The following ANKRD13B variants were observed in gnomAD, a reference collection of about 807,000 sequenced individuals.
ANKRD13B encodes ankyrin repeat domain 13B.
A neutral mutation model predicts 74.4 loss-of-function variants in ANKRD13B; 33 were observed. That is an observed-to-expected ratio of 0.44 (90% CI 0.34 to 0.59). ANKRD13B has a LOEUF of 0.59. Ranked by LOEUF, ANKRD13B falls within the 20% of genes least tolerant of loss-of-function variation. ANKRD13B has a pLI of 0.02. For synonymous variants in ANKRD13B, 341 were observed against 362.9 expected (o/e 0.94, Z 0.68); for missense variants, 676 against 877.9 (o/e 0.77, Z 2.91).
chr17:29,607,828 C>G lies in ANKRD13B; in HGVS notation c.201C>G (p.Leu67=). The G allele has an allele frequency of 6.2e-7, 1 of 1,605,172 alleles. No individual in the cohort carries two copies. Among genetic ancestry groups the G allele is most frequent in the East Asian group, 2.2e-5 (1 of 44,860 alleles). ...GGCACCTTGAGTGTGCCCGTGTGCT[C>G]CTGGCGCACGGCGCAGACGTGGGCA... The part of the protein sequence containing the change: ...TLGHLECARV[L]LAHGADVGRE... Residue 67 remains leucine (L), a synonymous_variant, in exon 2 of 15, where the codon CTC becomes CTG. Coordinates refer to ENST00000394859, the MANE Select transcript of ANKRD13B (RefSeq NM_152345.5).
chr17:29,604,620 C>G (rs1035772901), intron 1 of ANKRD13B, among the ~76,000 whole-genome samples: 14 of 151,696 alleles, frequency 9.2e-5, no homozygotes, highest in African/African-American at 2.9e-4. Flanking sequence ...TGGCTCACTG[C>G]AACCTCCGCC....
intron 1 of ANKRD13B, among the ~76,000 whole-genome samples, chr17:29,594,260 G>C (rs1260386960): frequency 6.6e-6 from 1 of 152,146 alleles, no homozygotes; most frequent in African/African-American, 2.4e-5. Context: ...CCCAGCCCCA[G>C]CTCAGGAACA....
Position 29,611,451 on chromosome 17 carries a change from T to G in ANKRD13B, c.905-128T>G. ...CTTCAGGTGAAGGTGCCTGAGTATG[T>G]GGTTGGGTGAGCAGGCCCCACCCCA... On this transcript the variant is annotated intron_variant, in intron 8 of 14. Transcript: ENST00000394859. The surrounding 1 kb of genome is among the most constrained non-coding windows in gnomAD (Gnocchi z 4.3). 1 of 877,804 alleles carries G rather than the reference T, an allele frequency of 1.1e-6. No homozygotes were observed. Among genetic ancestry groups the G allele is most frequent in the Non-Finnish European group, 1.9e-6 (1 of 540,140 alleles). 54.4% of individuals were successfully genotyped at this position (877,804 alleles called of 1,614,324 possible).
chr17:29,609,050 AC>A lies in ANKRD13B; in HGVS notation c.566-32del, dbSNP rs2034485887. The A allele has an allele frequency of 1.2e-6, 2 of 1,612,330 alleles. No homozygotes were observed. Among genetic ancestry groups the A allele is most frequent in the South Asian group, 2.2e-5 (2 of 91,070 alleles). ...GGACGATGGGAGGCAGCCCCAGGCC[AC>A]CCCTGATCCCCCTGTGCTGTTCCGT... On this transcript the variant is annotated intron_variant, in intron 5 of 14. Transcript: ENST00000394859. This position sits in a 1 kb window ranked among gnomAD's most constrained non-coding sequence, Gnocchi z 4.0.
At position 29,593,800 on chromosome 17, in the gene ANKRD13B, G is replaced by T. The variant is rs530185173; in HGVS notation, c.114+65G>T. 4.0e-6 allele frequency: 4 copies of T among 1,004,276 alleles called. No individual in the cohort carries two copies. In the African/African-American group the frequency reaches 7.0e-5, roughly 17 times the overall value. 62.2% of individuals were successfully genotyped at this position (1,004,276 alleles called of 1,614,324 possible). On this transcript the variant is annotated intron_variant, in intron 1 of 14. Coordinates refer to ENST00000394859, the MANE Select transcript of ANKRD13B (RefSeq NM_152345.5). The stretch of plus-strand genomic sequence containing the variant: ...GGGCACGCCCGTCCGGCCTGGGGAG[G>T]GGGTGCGGCGCGGGCTGTCCCGCCT...
chr17:29,605,218 A>G (rs2034324994), intron 1 of ANKRD13B, among the ~76,000 whole-genome samples: 1 of 152,090 alleles, frequency 6.6e-6, no homozygotes, highest in Admixed American at 6.5e-5. Flanking sequence ...ACTCAGGAAG[A>G]GCACCATGCT....
At chr17:29,599,474 G>A (rs1023840770) in intron 1 of ANKRD13B, 2 of 152,192 alleles carry the variant, frequency 1.3e-5, no homozygotes, top group African/African-American at 4.8e-5. Flanking sequence ...CGGCTTCTAG[G>A]TCTGTTTTGG....
chr17:29,613,226 C>A, intron 14 of ANKRD13B, 128 bp from the exon 15 acceptor site: 1 of 1,383,210 alleles, frequency 7.2e-7, no homozygotes, highest in Non-Finnish European at 9.5e-7. Flanking sequence ...GCCAGGACGC[C>A]GCGGGACTGA....
intron 1 of ANKRD13B, 118 bp from the exon 2 acceptor site, chr17:29,607,624 G>A (rs554443977): frequency 8.6e-6 from 12 of 1,397,420 alleles, no homozygotes; most frequent in South Asian, 4.2e-5. Flanking sequence ...TGAGGTTGGT[G>A]AGGCAGAGCA....
intron 1 of ANKRD13B, among the ~76,000 whole-genome samples, chr17:29,600,922 CTT>C (rs35831588): frequency 1.0e-4 from 13 of 125,662 alleles, no homozygotes; most frequent in Non-Finnish European, 1.0e-4. Flanking sequence ...ATTTTACTGA[CTT>C]TTTTTTTTTT....
At position 29,611,800 on chromosome 17, in the gene ANKRD13B, G is replaced by T; in HGVS notation, c.970-76G>T. 3 of 1,564,850 alleles carry T rather than the reference G, an allele frequency of 1.9e-6. No individual in the cohort carries two copies. Among genetic ancestry groups the T allele is most frequent in the Non-Finnish European group, 2.6e-6 (3 of 1,152,326 alleles). On this transcript the variant is annotated intron_variant, in intron 9 of 14. Coordinates refer to ENST00000394859, the MANE Select transcript of ANKRD13B (RefSeq NM_152345.5). This position sits in a 1 kb window ranked among gnomAD's most constrained non-coding sequence, Gnocchi z 4.3. ...CACTGGCAGAGGGGACAGCTTGGGGGCCTTGTGACAACAAATGAGTTGGCC... is the reference window on the plus strand; with the variant it reads ...CACTGGCAGAGGGGACAGCTTGGGGTCCTTGTGACAACAAATGAGTTGGCC...
chr17:29,594,020 G>A (rs1044193914), intron 1 of ANKRD13B: 5 of 187,676 alleles, frequency 2.7e-5, no homozygotes, highest in African/African-American at 9.4e-5. Flanking sequence ...GGGCTGTGTC[G>A]GTGTTCCATG....
In ANKRD13B at chr17:29,609,532, C is replaced by A; in HGVS notation, c.822+111C>A. The A allele has an allele frequency of 1.5e-6, 2 of 1,292,852 alleles. No individual in the cohort carries two copies. Among genetic ancestry groups the A allele is most frequent in the South Asian group, 1.4e-5 (1 of 73,980 alleles). 80.1% of individuals were successfully genotyped at this position (1,292,852 alleles called of 1,614,324 possible). A position where few individuals can be genotyped will look rare whatever the true frequency, so the allele number is the denominator to read the frequency against. ...CCCTGGAGGTACAGAAGCAATGCAG[C>A]GTGGTCAAGCACTTATATTTGGGTT... is the stretch of plus-strand genomic sequence containing the variant. On this transcript the variant is annotated intron_variant, in intron 7 of 14. Coordinates refer to ENST00000394859, the MANE Select transcript of ANKRD13B (RefSeq NM_152345.5). This position sits in a 1 kb window ranked among gnomAD's most constrained non-coding sequence, Gnocchi z 4.0.
chr17:29,611,625 C>A lies in ANKRD13B; in HGVS notation c.951C>A (p.His317Gln). 6.2e-7 allele frequency: 1 copy of A among 1,614,118 alleles called. No individual in the cohort carries two copies. The highest frequency in any genetic ancestry group is 8.5e-7 in the Non-Finnish European group (1 of 1,180,006). ...LQSFLGIAEQ[H>Q]GGPQNGTLIT... is the part of the protein sequence containing the mutation. The stretch of plus-strand genomic sequence containing the variant: ...CCTTCCTGGGAATCGCTGAGCAGCA[C>A]GGGGGCCCCCAAAATGGGGTGAGTG... Residue 317 changes from histidine to glutamine, a missense_variant, in exon 9 of 15, where the codon CAC becomes CAA. His to Gln is a conservative substitution (Grantham distance 24). Around this residue, in one of 4 missense-constraint regions of ANKRD13B, gnomAD observed 328 missense variants for 518.4 expected, o/e 0.63. Coordinates refer to ENST00000394859, the MANE Select transcript of ANKRD13B (RefSeq NM_152345.5). This position sits in a 1 kb window ranked among gnomAD's most constrained non-coding sequence, Gnocchi z 4.3.
At chr17:29,593,790 G>A in intron 1 of ANKRD13B, 55 bp downstream of exon 1, 2 of 1,126,168 alleles carry the variant, frequency 1.8e-6, no homozygotes, top group Non-Finnish European at 2.3e-6. Flanking sequence ...CGCCCGTCCG[G>A]CCTGGGGAGG....
chr17:29,600,839 T>C (rs894088771), intron 1 of ANKRD13B, among the ~76,000 whole-genome samples: 2 of 152,204 alleles, frequency 1.3e-5, no homozygotes, highest in Non-Finnish European at 2.9e-5. Context: ...CCAGCCACTT[T>C]CCATGTTCTA....
At chr17:29,613,108 C>G (rs2034661926) in intron 14 of ANKRD13B, 145 bp downstream of exon 14, 2 of 1,234,272 alleles carry the variant, frequency 1.6e-6, no homozygotes, top group South Asian at 2.8e-5. Context: ...GCCTCCGAGG[C>G]GGCAGGCAGG....
intron 14 of ANKRD13B, 178 bp from the exon 15 acceptor site, chr17:29,613,176 G>A (rs2034665607): frequency 8.3e-7 from 1 of 1,205,812 alleles, no homozygotes; most frequent in East Asian, 2.6e-5. Flanking sequence ...TTGACGGGGA[G>A]AACTTGGTAG....
chr17:29,607,286 T>A (rs776053332), intron 1 of ANKRD13B, among the ~76,000 whole-genome samples: 1 of 152,270 alleles, frequency 6.6e-6, no homozygotes, highest in Non-Finnish European at 1.5e-5. Context: ...CACTCAGTGA[T>A]AATGTCAGTG....
Sources: gnomAD v4.1 joint callset for allele counts (sites outside exome capture counted in the v4.1 genomes callset) on GRCh38, gnomAD v4.1.1 for gene constraint, gnomAD v4.1.1 regional missense constraint, Gnocchi (gnomAD v3.1) non-coding constraint, MANE v1.5 for transcripts, NCBI Gene and HGNC (gene_info 2026-07-23, HGNC 2026-07-21) for gene names.